Variants in TCF7L1 observed in about 807,000 individuals in gnomAD.
TCF7L1 encodes transcription factor 7 like 1, also known as transcription factor 7-like 1.
In TCF7L1, 18 loss-of-function variants were observed where a neutral mutation model predicts 63.7. That is an observed-to-expected ratio of 0.28 (90% CI 0.20 to 0.42). The LOEUF is 0.42. Among genes scored for constraint, TCF7L1 ranks in the 10% least tolerant of loss-of-function variants. TCF7L1 has a pLI of 1.00. For missense variants in TCF7L1, 654 were observed against 779.3 expected (o/e 0.84, Z 1.91); for synonymous variants, 355 against 340.9 (o/e 1.04, Z -0.46).
intron 3 of TCF7L1, among the ~76,000 whole-genome samples, chr2:85,172,157 ACATCCCACTCAG>A (rs1316450820): frequency 6.6e-6 from 1 of 152,016 alleles, no homozygotes; most frequent in Non-Finnish European, 1.5e-5. Flanking sequence ...TTCCCACCTC[ACATCCCACTCAG>A]CCACGTCCAG....
intron 10 of TCF7L1, 106 bp from the exon 11 acceptor site, chr2:85,307,536 G>A (rs74957860): frequency 5.2e-4 from 467 of 899,592 alleles, no homozygotes; most frequent in Non-Finnish European, 6.6e-4. Flanking sequence ...CTGAGGGATC[G>A]AGAGCAGTAA....
intron 3 of TCF7L1, among the ~76,000 whole-genome samples, chr2:85,254,043 A>G (rs1030420574): frequency 6.6e-6 from 1 of 152,232 alleles, no homozygotes; most frequent in Non-Finnish European, 1.5e-5. Context: ...TGAGAGCCCC[A>G]TGAAGGGCTC....
chr2:85,151,689 T>C (rs1190514898), intron 3 of TCF7L1, among the ~76,000 whole-genome samples: 1 of 152,238 alleles, frequency 6.6e-6, no homozygotes, highest in Non-Finnish European at 1.5e-5. Flanking sequence ...GAGACCAGTT[T>C]GCCACTTACT....
Position 85,188,369 on chromosome 2 carries a change from A to C in TCF7L1, c.441+53919A>C, listed in dbSNP as rs74382774. Among the ~76,000 whole-genome samples the C allele has an allele frequency of 1.4e-4, 22 of 152,370 alleles. No individual in the cohort carries two copies. In the East Asian group the frequency reaches 1.5e-3, roughly 11 times the overall value. On this transcript the variant is annotated intron_variant, in intron 3 of 11. Transcript: ENST00000282111. ...TTGATAGCATGCTAGTTAGCTATGCAAGACGTTAACATCGGGGGAGGCTAG... is the reference window on the plus strand; with the variant it reads ...TTGATAGCATGCTAGTTAGCTATGCCAGACGTTAACATCGGGGGAGGCTAG...
At chr2:85,299,860 AACACACACACACACACACAC>A (rs61569778) in intron 4 of TCF7L1, among the ~76,000 whole-genome samples, 1 of 92,702 alleles carries the variant, frequency 1.1e-5, no homozygotes, top group Admixed American at 1.2e-4. Context: ...CCTTGTCTCA[AACACACACACACACACACAC>A]ACACACACAC....
At chr2:85,294,475 G>T (rs929332518) in intron 4 of TCF7L1, among the ~76,000 whole-genome samples, 1 of 152,170 alleles carries the variant, frequency 6.6e-6, no homozygotes, top group Admixed American at 6.6e-5. Flanking sequence ...TGCTTATGCT[G>T]CTGGTCTGGG....
chr2:85,272,585 A>G (rs763764526), intron 3 of TCF7L1, among the ~76,000 whole-genome samples: 14 of 151,994 alleles, frequency 9.2e-5, no homozygotes, highest in Non-Finnish European at 2.1e-4. Flanking sequence ...CTTAAGGCCA[A>G]GAGTTTCAGA....
intron 3 of TCF7L1, among the ~76,000 whole-genome samples, chr2:85,138,714 G>C (rs1036108126): frequency 6.6e-6 from 1 of 152,096 alleles, no homozygotes; most frequent in African/African-American, 2.4e-5. Flanking sequence ...TTATAAGTTT[G>C]GAAGGTTATA....
intron 3 of TCF7L1, among the ~76,000 whole-genome samples, chr2:85,233,318 T>A (rs1336797188): frequency 2.1e-4 from 1 of 4,698 alleles, no homozygotes; most frequent in Non-Finnish European, 3.3e-4. Flanking sequence ...ATTCAGAGAT[T>A]TTTTTTTTTT....
intron 4 of TCF7L1, among the ~76,000 whole-genome samples, chr2:85,301,257 A>G (rs1199449062): frequency 1.3e-5 from 2 of 152,192 alleles, no homozygotes; most frequent in Non-Finnish European, 2.9e-5. Context: ...TAAACAGCTG[A>G]TATGAATCCC....
Position 85,283,485 on chromosome 2 carries a change from C to T in TCF7L1, c.442-10C>T. 1 of 1,614,034 alleles carries T rather than the reference C, an allele frequency of 6.2e-7. No individual in the cohort carries two copies. Among genetic ancestry groups the T allele is most frequent in the Non-Finnish European group, 8.5e-7 (1 of 1,179,962 alleles). ...CACCAACAGCTTTTTCTTTTCTGTTCCCTGTGCAGTACCTGCAGATGAAAT... is the reference window on the plus strand; with the variant it reads ...CACCAACAGCTTTTTCTTTTCTGTTTCCTGTGCAGTACCTGCAGATGAAAT... On this transcript the variant is annotated splice_polypyrimidine_tract_variant and intron_variant, in intron 3 of 11. Transcript: ENST00000282111.
rs181489810 is a variant in TCF7L1, at chr2:85,182,968, A to G, written c.441+48518A>G. ...CCGATGCTGCTGGTCCAGGGAGCGCACTGAGAATCCCCGCTCTAGGGCTTC... is the reference window on the plus strand; with the variant it reads ...CCGATGCTGCTGGTCCAGGGAGCGCGCTGAGAATCCCCGCTCTAGGGCTTC... On this transcript the variant is annotated intron_variant, in intron 3 of 11. Coordinates refer to ENST00000282111, the MANE Select transcript of TCF7L1 (RefSeq NM_031283.3). 3.9e-5 allele frequency among the ~76,000 whole-genome samples: 6 copies of G among 152,316 alleles called. No individual in the cohort carries two copies. In the East Asian group the frequency reaches 9.7e-4, roughly 25 times the overall value.
At chr2:85,287,997 T>G (rs182323591) in intron 4 of TCF7L1, among the ~76,000 whole-genome samples, 29 of 152,324 alleles carry the variant, frequency 1.9e-4, no homozygotes, top group African/African-American at 7.0e-4. Flanking sequence ...GCCAGTGTAT[T>G]GTAATGAGTC....
chr2:85,232,548 C>G (rs1031889491), intron 3 of TCF7L1, among the ~76,000 whole-genome samples: 5 of 152,154 alleles, frequency 3.3e-5, no homozygotes, highest in African/African-American at 4.8e-5. Context: ...TTGTTGACCC[C>G]TTTGCATGAT....
chr2:85,185,480 G>C (rs1678897234), intron 3 of TCF7L1, among the ~76,000 whole-genome samples: 1 of 152,126 alleles, frequency 6.6e-6, no homozygotes, highest in Non-Finnish European at 1.5e-5. Flanking sequence ...GGTTAAATGA[G>C]CTGTCTGGGG....
intron 3 of TCF7L1, among the ~76,000 whole-genome samples, chr2:85,194,231 A>G (rs1213691906): frequency 6.6e-6 from 1 of 152,148 alleles, no homozygotes; most frequent in Non-Finnish European, 1.5e-5. Flanking sequence ...GGCATTGCCA[A>G]GTTGGAATTA....
At position 85,153,340 on chromosome 2, in the gene TCF7L1, A is replaced by ATTTTTTTTTTTTTTTTT. The variant is rs66697146; in HGVS notation, c.441+18893_441+18909dup. ...TTCATGATCTTGCTAGCCTTTATAA[A>ATTTTTTTTTTTTTTTTT]TTTTTTTTTTTTTTTTTTTGAGATG... On this transcript the variant is annotated intron_variant, in intron 3 of 11. Coordinates refer to ENST00000282111, the MANE Select transcript of TCF7L1 (RefSeq NM_031283.3). Among the ~76,000 whole-genome samples the ATTTTTTTTTTTTTTTTT allele has an allele frequency of 6.8e-4, 70 of 102,260 alleles. 8 individuals are homozygous for ATTTTTTTTTTTTTTTTT. The highest frequency in any genetic ancestry group is 2.5e-3 in the African/African-American group (60 of 23,748). The allele number at this position is 102,260 out of a possible 152,430, so 67.1% of individuals were successfully genotyped here. A position where few individuals can be genotyped will look rare whatever the true frequency, so the allele number is the denominator to read the frequency against.
chr2:85,133,490 G>A lies in TCF7L1; in HGVS notation c.-195G>A, dbSNP rs1677501735. On this transcript the variant is annotated 5_prime_UTR_variant, in exon 1 of 12. Transcript: ENST00000282111. The surrounding 1 kb of genome is among the most constrained non-coding windows in gnomAD (Gnocchi z 4.4). ...GCCCTAGGCTCGGCGCTGCCGGAGG[G>A]GCCCGAGCCGAGCCGCCTGCGCCCC... The A allele has an allele frequency of 6.7e-6, 1 of 150,060 alleles. No individual in the cohort carries two copies. The highest frequency in any genetic ancestry group is 2.4e-5 in the African/African-American group (1 of 41,018). 9.3% of individuals were successfully genotyped at this position (150,060 alleles called of 1,614,324 possible).
intron 3 of TCF7L1, among the ~76,000 whole-genome samples, chr2:85,148,771 ATTT>A (rs775984491): frequency 2.5e-4 from 31 of 125,008 alleles, no homozygotes; most frequent in African/African-American, 8.1e-4. Context: ...ACAGTATTTA[ATTT>A]TTTTTTTTTT....
Sources: gnomAD v4.1 joint callset for allele counts (sites outside exome capture counted in the v4.1 genomes callset) on GRCh38, gnomAD v4.1.1 for gene constraint, Gnocchi (gnomAD v3.1) non-coding constraint, MANE v1.5 for transcripts, NCBI Gene and HGNC (gene_info 2026-07-23, HGNC 2026-07-21) for gene names.